Variants in ZNF804B observed in about 807,000 individuals in gnomAD.
ZNF804B encodes zinc finger protein 804B, also known as zinc finger 804B.
In ZNF804B, 80 loss-of-function variants were observed where a neutral mutation model predicts 101.4. The observed-to-expected ratio is 0.79, with a 90% CI of 0.66 to 0.95. The LOEUF (loss-of-function observed/expected upper bound fraction) is 0.95. Among genes scored for constraint, ZNF804B ranks in the 40% least tolerant of loss-of-function variants. The pLI is 0.00. For missense variants in ZNF804B, 1,673 were observed against 1,561.9 expected (o/e 1.07, Z -1.20); for synonymous variants, 622 against 558.8 (o/e 1.11, Z -1.59).
intron 1 of ZNF804B, among the ~76,000 whole-genome samples, chr7:89,120,394 A>G (rs1048953861): frequency 3.3e-5 from 5 of 152,158 alleles, no homozygotes; most frequent in African/African-American, 9.7e-5. Context: ...GCGGTGGCTC[A>G]CGCGTGTAAT....
intron 2 of ZNF804B, among the ~76,000 whole-genome samples, chr7:89,307,644 A>C (rs1272681124): frequency 6.6e-6 from 1 of 152,094 alleles, no homozygotes; most frequent in Non-Finnish European, 1.5e-5. Context: ...AGTAAGAGCT[A>C]TATATGTAAA....
chr7:89,126,761 A>C lies in ZNF804B; in HGVS notation c.109-91394A>C, dbSNP rs868255471. Among the ~76,000 whole-genome samples, 8 of 151,972 alleles carry C rather than the reference A, an allele frequency of 5.3e-5. 1 individual carries two copies. The South Asian group carries it at 1.7e-3, about 31-fold the overall frequency. On this transcript the variant is annotated intron_variant, in intron 1 of 3. Coordinates refer to ENST00000333190, the MANE Select transcript of ZNF804B (RefSeq NM_181646.5). ...TATTTATCAACCTTTTCTGAAACTA[A>C]GCTATTTCTCTTCTTTAAATTATAC...
At chr7:89,143,939 T>C (rs1222774034) in intron 1 of ZNF804B, among the ~76,000 whole-genome samples, 1 of 152,048 alleles carries the variant, frequency 6.6e-6, no homozygotes, top group East Asian at 1.9e-4. Flanking sequence ...TTAATGCTGG[T>C]ATAAAAGTCA....
chr7:89,161,120 A>G (rs116016225), intron 1 of ZNF804B, among the ~76,000 whole-genome samples: 2 of 152,010 alleles, frequency 1.3e-5, no homozygotes, highest in African/African-American at 4.8e-5. Context: ...AGAGATCTCT[A>G]TCTGAGAACT....
rs530100055 is a variant in ZNF804B, at chr7:88,762,307, C to T, written c.108+2223C>T. The stretch of plus-strand genomic sequence containing the variant: ...TGAATAGTTTCTCATGTGAGCTGGG[C>T]ACTGTATGAAAATTTGTGTTTATTC... On this transcript the variant is annotated intron_variant, in intron 1 of 3. Transcript: ENST00000333190. Among the ~76,000 whole-genome samples, 68 of 152,214 alleles carry T rather than the reference C, an allele frequency of 4.5e-4. No individual in the cohort carries two copies. In the South Asian group the frequency reaches 0.014, roughly 31 times the overall value.
intron 1 of ZNF804B, among the ~76,000 whole-genome samples, chr7:89,077,536 T>A (rs1789633256): frequency 6.6e-6 from 1 of 152,118 alleles, no homozygotes; most frequent in South Asian, 2.1e-4. Flanking sequence ...CTGAAATAAT[T>A]GAAAGGAAGA....
chr7:89,209,864 A>G (rs192138059), intron 1 of ZNF804B, among the ~76,000 whole-genome samples: 2 of 152,308 alleles, frequency 1.3e-5, no homozygotes, highest in African/African-American at 4.8e-5. Flanking sequence ...AAAGAAGTCA[A>G]TCAGCCCAGC....
rs554959619 is a variant in ZNF804B at position 89,239,954 on chromosome 7, A to G, written c.249+21659A>G. Among the ~76,000 whole-genome samples the G allele has an allele frequency of 8.6e-5, 13 of 151,938 alleles. No individual in the cohort carries two copies. The South Asian group carries it at 2.7e-3, about 31-fold the overall frequency. Reference sequence around the variant, plus strand: ...TTTAATATTGGGCAAATACATTCTTATGTCATTAATGGTATCTAACTTCTC... The same window carrying G: ...TTTAATATTGGGCAAATACATTCTTGTGTCATTAATGGTATCTAACTTCTC... On this transcript the variant is annotated intron_variant, in intron 2 of 3. Transcript: ENST00000333190.
chr7:88,963,796 A>T (rs907911880), intron 1 of ZNF804B, among the ~76,000 whole-genome samples: 1 of 151,418 alleles, frequency 6.6e-6, no homozygotes, highest in South Asian at 2.1e-4. Flanking sequence ...GAGAGTAACA[A>T]TATATCAAGG....
chr7:88,884,504 T>C (rs948172904), intron 1 of ZNF804B, among the ~76,000 whole-genome samples: 5 of 151,822 alleles, frequency 3.3e-5, no homozygotes, highest in Non-Finnish European at 7.4e-5. Flanking sequence ...TTTAAAAAAA[T>C]CTATGGCACT....
chr7:89,064,868 T>C (rs1321073434), intron 1 of ZNF804B, among the ~76,000 whole-genome samples: 5 of 152,112 alleles, frequency 3.3e-5, no homozygotes, highest in Non-Finnish European at 7.4e-5. Context: ...GATTACCTGT[T>C]CTCTGCATCA....
At chr7:89,003,543 C>T (rs1247738964) in intron 1 of ZNF804B, among the ~76,000 whole-genome samples, 1 of 151,924 alleles carries the variant, frequency 6.6e-6, no homozygotes, top group Middle Eastern at 3.2e-3. Flanking sequence ...TATAGAATTA[C>T]TTTCAATCAT....
intron 1 of ZNF804B, among the ~76,000 whole-genome samples, chr7:89,037,566 GATAT>G (rs59604792): frequency 2.1e-5 from 3 of 145,698 alleles, no homozygotes; most frequent in Admixed American, 1.4e-4. Flanking sequence ...GTAATGCATG[GATAT>G]ATATATATAT....
intron 1 of ZNF804B, among the ~76,000 whole-genome samples, chr7:89,004,109 T>G (rs990961519): frequency 1.3e-5 from 2 of 150,328 alleles, no homozygotes; most frequent in Admixed American, 6.6e-5. Context: ...ATTTTTATTG[T>G]GGGCAAGGAC....
intron 1 of ZNF804B, among the ~76,000 whole-genome samples, chr7:88,799,834 A>G (rs867567716): frequency 3.9e-5 from 6 of 152,102 alleles, no homozygotes; most frequent in Non-Finnish European, 8.8e-5. Flanking sequence ...AGAAACACCA[A>G]TTTAGAAAGG....
intron 1 of ZNF804B, among the ~76,000 whole-genome samples, chr7:88,819,849 A>G (rs1790948121): frequency 6.6e-6 from 1 of 152,138 alleles, no homozygotes; most frequent in Non-Finnish European, 1.5e-5. Flanking sequence ...CCTGGCATTT[A>G]TTGAAGATTC....
intron 1 of ZNF804B, among the ~76,000 whole-genome samples, chr7:89,045,610 C>A (rs1202228067): frequency 6.6e-6 from 1 of 152,186 alleles, no homozygotes; most frequent in African/African-American, 2.4e-5. Context: ...CCAAGGAGAT[C>A]ATTTTGGAAC....
chr7:88,946,073 C>T (rs1458888702), intron 1 of ZNF804B, among the ~76,000 whole-genome samples: 1 of 152,074 alleles, frequency 6.6e-6, no homozygotes, highest in Non-Finnish European at 1.5e-5. Flanking sequence ...TATGTGAATA[C>T]ACTTTATTTC....
chr7:89,295,817 G>A (rs1406245903), intron 2 of ZNF804B, among the ~76,000 whole-genome samples: 1 of 152,028 alleles, frequency 6.6e-6, no homozygotes, highest in Non-Finnish European at 1.5e-5. Flanking sequence ...GAATACTGTT[G>A]AGCCATTAAA....
Sources: gnomAD v4.1 joint callset for allele counts (sites outside exome capture counted in the v4.1 genomes callset) on GRCh38, gnomAD v4.1.1 for gene constraint, MANE v1.5 for transcripts, NCBI Gene and HGNC (gene_info 2026-07-23, HGNC 2026-07-21) for gene names.